KIAA1217: variants seen among roughly 807,000 people sequenced by gnomAD.
The protein encoded by KIAA1217 is KIAA1217.
KIAA1217 carries 88 observed loss-of-function variants against 163.9 expected under a neutral mutation model. The ratio of observed to expected loss-of-function variants is 0.54; its 90% CI spans 0.45 to 0.64. The LOEUF (loss-of-function observed/expected upper bound fraction) is 0.64, where lower values mean the gene tolerates loss of function less well. Ranked by LOEUF, KIAA1217 falls within the 30% of genes least tolerant of loss-of-function variation. The probability of loss-of-function intolerance (pLI) is 0.00; values close to 1 mark genes in which losing one functional copy is unlikely to be tolerated. For missense variants in KIAA1217, 2,372 were observed against 2,475.0 expected, an observed-to-expected ratio of 0.96 and a Z score of 0.88; for synonymous variants, 903 against 923.1, an observed-to-expected ratio of 0.98 and a Z score of 0.39.
At chr10:24,459,471 G>T (rs1389050621) in intron 5 of KIAA1217, among the ~76,000 whole-genome samples, 3 of 152,128 alleles carry the variant, frequency 2.0e-5, no homozygotes, top group Non-Finnish European at 2.9e-5. Flanking sequence ...GTTCTTCAGA[G>T]GTAGAAATCA....
At chr10:24,232,945 A>AAAAAAAAAAAAAAAAAAAAG (rs2071642709) in intron 2 of KIAA1217, among the ~76,000 whole-genome samples, 1 of 148,412 alleles carries the variant, frequency 6.7e-6, no homozygotes, top group Non-Finnish European at 1.5e-5. Context: ...CAAAAAAAAA[A>AAAAAAAAAAAAAAAAAAAAG]AAAAAAAAAA....
chr10:24,028,814 C>T (rs1350033169), intron 2 of KIAA1217, among the ~76,000 whole-genome samples: 1 of 152,042 alleles, frequency 6.6e-6, no homozygotes, highest in South Asian at 2.1e-4. Context: ...ATTATTGGTG[C>T]TATACCAATA....
intron 2 of KIAA1217, among the ~76,000 whole-genome samples, chr10:24,201,715 C>T (rs1349093008): frequency 6.6e-6 from 1 of 151,964 alleles, no homozygotes; most frequent in Non-Finnish European, 1.5e-5. Flanking sequence ...GCCCCACCTT[C>T]AATTCTGTGG....
chr10:24,173,726 G>A (rs1301356275), intron 2 of KIAA1217, among the ~76,000 whole-genome samples: 2 of 152,190 alleles, frequency 1.3e-5, no homozygotes, highest in African/African-American at 4.8e-5. Flanking sequence ...AACTTCAAAA[G>A]CTTAGAATAC....
chr10:24,256,508 G>A (rs1447218484), intron 2 of KIAA1217, among the ~76,000 whole-genome samples: 1 of 152,008 alleles, frequency 6.6e-6, no homozygotes, highest in African/African-American at 2.4e-5. Context: ...GCTTCCCATT[G>A]CCTAAATTAA....
At chr10:24,270,719 T>C (rs2076694087) in intron 2 of KIAA1217, among the ~76,000 whole-genome samples, 1 of 151,930 alleles carries the variant, frequency 6.6e-6, no homozygotes, top group Admixed American at 6.6e-5. Context: ...TTTTGTTTTA[T>C]TTTTTTTAGT....
chr10:24,505,845 TCAATA>T (rs2068269171), intron 9 of KIAA1217, among the ~76,000 whole-genome samples: 3 of 152,128 alleles, frequency 2.0e-5, no homozygotes, highest in African/African-American at 7.2e-5. Flanking sequence ...ATGATACAAT[TCAATA>T]CAATTTCCTT....
chr10:24,027,810 T>A (rs567380056), intron 2 of KIAA1217, among the ~76,000 whole-genome samples: 1 of 152,074 alleles, frequency 6.6e-6, no homozygotes, highest in African/African-American at 2.4e-5. Flanking sequence ...CCCGGGAAAC[T>A]CCTAAATAAG....
intron 2 of KIAA1217, among the ~76,000 whole-genome samples, chr10:24,088,050 T>A (rs1002532787): frequency 8.1e-6 from 1 of 123,550 alleles, no homozygotes; most frequent in Non-Finnish European, 2.0e-5. Flanking sequence ...ACTGGGCCAT[T>A]CCCATTCCAC....
chr10:23,839,335 C>A (rs531405424), intron 1 of KIAA1217, among the ~76,000 whole-genome samples: 1 of 152,206 alleles, frequency 6.6e-6, no homozygotes, highest in African/African-American at 2.4e-5. Flanking sequence ...GGTTCTTCTT[C>A]TTGAAGATGA....
intron 2 of KIAA1217, among the ~76,000 whole-genome samples, chr10:24,156,011 C>T (rs1173056552): frequency 6.6e-6 from 1 of 152,076 alleles, no homozygotes; most frequent in African/African-American, 2.4e-5. Context: ...CACATTTATA[C>T]CTTTAGTAAC....
chr10:24,397,368 G>A (rs889181596), intron 3 of KIAA1217, among the ~76,000 whole-genome samples: 1 of 152,236 alleles, frequency 6.6e-6, no homozygotes, highest in Non-Finnish European at 1.5e-5. Context: ...GATTACAGGC[G>A]TGAACCACTG....
chr10:24,436,342 A>T (rs568473800), intron 4 of KIAA1217, among the ~76,000 whole-genome samples: 6 of 152,168 alleles, frequency 3.9e-5, no homozygotes, highest in Non-Finnish European at 7.3e-5. Context: ...TGTTTATGCT[A>T]TGTGAGCACA....
At chr10:24,218,912 G>A (rs2069203439) in intron 1 of KIAA1217, among the ~76,000 whole-genome samples, 1 of 152,072 alleles carries the variant, frequency 6.6e-6, no homozygotes, top group Non-Finnish European at 1.5e-5. Context: ...AGCTATTTTT[G>A]TTCTTGGTGA....
intron 5 of KIAA1217, among the ~76,000 whole-genome samples, chr10:24,456,686 T>C (rs565047532): frequency 4.6e-5 from 7 of 151,896 alleles, no homozygotes; most frequent in African/African-American, 1.2e-4. Context: ...GGAGTACTGA[T>C]TGATGAGGAG....
chr10:24,398,597 C>T (rs1424978371), intron 3 of KIAA1217, among the ~76,000 whole-genome samples: 2 of 152,220 alleles, frequency 1.3e-5, no homozygotes, highest in Admixed American at 6.5e-5. Flanking sequence ...GAGACCCAAG[C>T]AGGCACCTTG....
At chr10:24,094,677 CA>C (rs1269504553) in intron 2 of KIAA1217, among the ~76,000 whole-genome samples, 1 of 152,204 alleles carries the variant, frequency 6.6e-6, no homozygotes, top group Non-Finnish European at 1.5e-5. Flanking sequence ...GCTCGGGGGT[CA>C]GGGGTCAGGG....
rs190581502 is a variant in KIAA1217 at position 24,000,156 on chromosome 10, A to C, written c.-320-7069A>C. ...TAATTTCTAGCATTGTATACTTTTAAAATCCAACTCAGTAAAAGTATACCT... is the reference window on the plus strand; with the variant it reads ...TAATTTCTAGCATTGTATACTTTTACAATCCAACTCAGTAAAAGTATACCT... On this transcript the variant is annotated intron_variant, in intron 1 of 18. Coordinates refer to the KIAA1217 transcript ENST00000376462. Among the ~76,000 whole-genome samples the C allele has an allele frequency of 3.2e-3, 489 of 152,312 alleles. 8 individuals carry two copies. Among genetic ancestry groups the C allele is most frequent in the African/African-American group, 0.012 (479 of 41,570 alleles).
At chr10:24,207,282 T>TCTCTCTCA (rs529791287), upstream of KIAA1217, among the ~76,000 whole-genome samples, 26 of 140,166 alleles carry the variant, frequency 1.9e-4, no homozygotes, top group African/African-American at 7.2e-4. Context: ...TCTCTCTCTC[T>TCTCTCTCA]CACACACACA....
Sources: allele counts gnomAD v4.1 joint callset (sites outside exome capture counted in the v4.1 genomes callset), GRCh38; gene constraint gnomAD v4.1.1; transcripts MANE v1.5; gene names NCBI Gene and HGNC (gene_info 2026-07-23, HGNC 2026-07-21).